Variants in USP40 observed in about 807,000 individuals in gnomAD.
USP40 encodes ubiquitin carboxyl-terminal hydrolase 40.
Under a neutral mutation model 166.2 loss-of-function variants are expected in USP40, and 143 were observed. The observed-to-expected ratio is 0.86, with a 90% CI of 0.75 to 0.99. The LOEUF is 0.99. USP40 is among the 50% of genes least tolerant of loss of function. The pLI, the probability that USP40 is intolerant of heterozygous loss-of-function variation, is 0.00. For missense variants in USP40, 1,444 were observed against 1,479.7 expected (o/e 0.98, Z 0.40); for synonymous variants, 498 against 524.0 (o/e 0.95, Z 0.68).
intron 11 of USP40, among the ~76,000 whole-genome samples, chr2:233,530,305 T>C (rs1235725079): frequency 1.3e-5 from 2 of 152,146 alleles, no homozygotes; most frequent in Non-Finnish European, 2.9e-5. Flanking sequence ...TCATACACTG[T>C]ATTTTCCAAA....
At chr2:233,547,130 T>C (rs1485951206) in intron 8 of USP40, 4 of 152,220 alleles carry the variant, frequency 2.6e-5, no homozygotes, top group Non-Finnish European at 4.4e-5. Flanking sequence ...TCTTTTTCCA[T>C]AGATGACTTC....
At chr2:233,510,683 T>A (rs1310870785) in intron 20 of USP40, among the ~76,000 whole-genome samples, 1 of 152,072 alleles carries the variant, frequency 6.6e-6, no homozygotes, top group Non-Finnish European at 1.5e-5. Context: ...GGATTACAGA[T>A]GTGAGCCACC....
At chr2:233,541,931 A>G (rs576579139) in intron 9 of USP40, among the ~76,000 whole-genome samples, 81 of 152,366 alleles carry the variant, frequency 5.3e-4, no homozygotes, top group African/African-American at 1.8e-3. Flanking sequence ...TCCAATATAC[A>G]TATATAAACA....
At chr2:233,500,204 T>C (rs1029624333) in intron 21 of USP40, among the ~76,000 whole-genome samples, 1 of 152,234 alleles carries the variant, frequency 6.6e-6, no homozygotes, top group Non-Finnish European at 1.5e-5. Context: ...ACTTTCTTCC[T>C]GTAAGGATTA....
At chr2:233,501,078 T>C (rs2066048194) in intron 21 of USP40, among the ~76,000 whole-genome samples, 1 of 152,148 alleles carries the variant, frequency 6.6e-6, no homozygotes, top group South Asian at 2.1e-4. Flanking sequence ...AAAATGATGA[T>C]AAAAACACAG....
At chr2:233,478,387 G>A (rs758904520) in intron 31 of USP40, among the ~76,000 whole-genome samples, 1 of 152,170 alleles carries the variant, frequency 6.6e-6, no homozygotes, top group Admixed American at 6.5e-5. Flanking sequence ...GCACTGTCTC[G>A]GAGTAGCTTG....
intron 11 of USP40, among the ~76,000 whole-genome samples, chr2:233,531,045 G>T (rs1053207244): frequency 6.6e-6 from 1 of 151,862 alleles, no homozygotes; most frequent in African/African-American, 2.4e-5. Context: ...TAAGTGATTT[G>T]TATAACAAAG....
intron 2 of USP40, 61 bp downstream of exon 2, chr2:233,565,295 A>G: frequency 7.8e-7 from 1 of 1,278,164 alleles, no homozygotes; most frequent in South Asian, 1.4e-5. Flanking sequence ...ATTTTGCATA[A>G]TTAATTACAT....
intron 14 of USP40, 122 bp from the exon 15 acceptor site, chr2:233,524,684 G>T: frequency 1.5e-6 from 1 of 672,402 alleles, no homozygotes; most frequent in Non-Finnish European, 2.3e-6. Flanking sequence ...TTAAAAAGTA[G>T]TAATTATTTT....
At chr2:233,562,837 A>C (rs2071776478) in intron 2 of USP40, 34 bp from the exon 3 acceptor site, 3 of 1,465,612 alleles carry the variant, frequency 2.0e-6, no homozygotes, top group Non-Finnish European at 2.7e-6. Flanking sequence ...GATGCAAATG[A>C]CATCATTTCA....
intron 21 of USP40, among the ~76,000 whole-genome samples, chr2:233,507,732 G>A (rs376972355): frequency 6.6e-6 from 1 of 151,954 alleles, no homozygotes; most frequent in Non-Finnish European, 1.5e-5. Context: ...CAGGTACAAA[G>A]TTACAATCTA....
chr2:233,538,398 G>A (rs150560176), intron 10 of USP40, among the ~76,000 whole-genome samples: 143 of 152,118 alleles, frequency 9.4e-4, no homozygotes, highest in Middle Eastern at 3.4e-3. Context: ...AGGCAAAGTC[G>A]TTTTCTTGAA....
In USP40 at chr2:233,498,653, T is replaced by G. The variant is rs1187814412; in HGVS notation, c.2651-41A>C. The G allele has an allele frequency of 3.9e-6, 6 of 1,550,934 alleles. No homozygotes were observed. The African/African-American group carries it at 8.2e-5, about 21-fold the overall frequency. Reference sequence around the variant, plus strand: ...AATTGGGATAAAAAAAATTCAAAGTTAGGTGAGACGTTGCGTGTAACTTCT... The same window carrying G: ...AATTGGGATAAAAAAAATTCAAAGTGAGGTGAGACGTTGCGTGTAACTTCT... On this transcript the variant is annotated intron_variant, in intron 22 of 31. Transcript: ENST00000678225.
chr2:233,527,586 G>C lies in USP40; in HGVS notation c.1554-8C>G, dbSNP rs1029324577. On this transcript the variant is annotated splice_region_variant and splice_polypyrimidine_tract_variant and intron_variant, in intron 12 of 31. Transcript: ENST00000678225. Reference sequence around the variant, plus strand: ...GCAGAATCACATTCTGCCCTTTAAAGAGGCACAAAAATACATAAATACTGT... The same window carrying C: ...GCAGAATCACATTCTGCCCTTTAAACAGGCACAAAAATACATAAATACTGT... 6.3e-7 allele frequency: 1 copy of C among 1,593,262 alleles called. No individual in the cohort carries two copies. Among genetic ancestry groups the C allele is most frequent in the East Asian group, 2.2e-5 (1 of 44,648 alleles).
At chr2:233,565,906 T>C (rs1395094822) in intron 1 of USP40, among the ~76,000 whole-genome samples, 1 of 152,140 alleles carries the variant, frequency 6.6e-6, no homozygotes, top group African/African-American at 2.4e-5. Flanking sequence ...GTAACAGCTG[T>C]TTTTAAAAAG....
chr2:233,483,816 T>C (rs111415178), intron 30 of USP40, among the ~76,000 whole-genome samples: 1 of 152,242 alleles, frequency 6.6e-6, no homozygotes, highest in African/African-American at 2.4e-5. Context: ...TCTTGAATCA[T>C]AGATACTCAA....
intron 13 of USP40, among the ~76,000 whole-genome samples, chr2:233,527,149 T>G (rs2068084752): frequency 6.6e-6 from 1 of 152,188 alleles, no homozygotes; most frequent in Non-Finnish European, 1.5e-5. Flanking sequence ...GAGACAACTT[T>G]ATACTCTTTC....
chr2:233,520,378 A>C (rs1231590986), intron 17 of USP40, among the ~76,000 whole-genome samples: 3 of 152,072 alleles, frequency 2.0e-5, no homozygotes, highest in Non-Finnish European at 4.4e-5. Flanking sequence ...ACACTTTAAG[A>C]AATTATAATA....
chr2:233,482,798 C>T (rs1196119510), intron 30 of USP40, among the ~76,000 whole-genome samples: 1 of 152,060 alleles, frequency 6.6e-6, no homozygotes, highest in Admixed American at 6.6e-5. Context: ...CCTCCCAGAG[C>T]GTTGGGATTA....
Sources: gnomAD v4.1 joint callset for allele counts (sites outside exome capture counted in the v4.1 genomes callset) on GRCh38, gnomAD v4.1.1 for gene constraint, MANE v1.5 for transcripts, NCBI Gene and HGNC (gene_info 2026-07-23, HGNC 2026-07-21) for gene names.